DNAH12: variants seen among roughly 807,000 people sequenced by gnomAD.
The protein encoded by DNAH12 is dynein axonemal heavy chain 12.
A neutral mutation model predicts 371.5 loss-of-function variants in DNAH12; 285 were observed. That is an observed-to-expected ratio of 0.77 (90% CI 0.70 to 0.85). The LOEUF (loss-of-function observed/expected upper bound fraction) is 0.85. DNAH12 is among the 40% of genes least tolerant of loss of function. The pLI is 0.00. For missense variants in DNAH12, 3,611 were observed against 3,689.4 expected, an observed-to-expected ratio of 0.98 and a Z score of 0.55; for synonymous variants, 1,200 against 1,213.0, an observed-to-expected ratio of 0.99 and a Z score of 0.22.
chr3:57,419,352 A>G lies in DNAH12; in HGVS notation c.5714+15T>C. The G allele has an allele frequency of 6.7e-7, 1 of 1,482,380 alleles. No homozygotes were observed. The highest frequency in any genetic ancestry group is 1.4e-5 in the South Asian group (1 of 69,894). 91.8% of individuals were successfully genotyped at this position (1,482,380 alleles called of 1,614,324 possible). A position where few individuals can be genotyped will look rare whatever the true frequency, so the allele number is the denominator to read the frequency against. ...TTTTACATTCAAAATGCTTGTTTAT[A>G]GCAGAGTTCCTTACTTTGCATAGGT... is the stretch of plus-strand genomic sequence containing the variant. On this transcript the variant is annotated intron_variant, in intron 37 of 73. Transcript: ENST00000495027.
rs1371440655 is a variant in DNAH12, at chr3:57,346,918, A to G, written c.9674+5167T>C. On this transcript the variant is annotated intron_variant, in intron 60 of 73. Coordinates refer to ENST00000495027, the MANE Select transcript of DNAH12 (RefSeq NM_001366028.2). ...GAATCTCCCAAAACTCTCACAAGGG[A>G]AAACAGATAATATGAATAGACCTGT... is the stretch of plus-strand genomic sequence containing the variant. Among the ~76,000 whole-genome samples, 4 of 152,282 alleles carry G rather than the reference A, an allele frequency of 2.6e-5. No homozygotes were observed. In the East Asian group the frequency reaches 5.8e-4, roughly 22 times the overall value.
intron 55 of DNAH12, among the ~76,000 whole-genome samples, chr3:57,369,727 C>T (rs1457933029): frequency 2.6e-5 from 4 of 152,036 alleles, no homozygotes; most frequent in East Asian, 1.9e-4. Flanking sequence ...ACCTTTCAAG[C>T]CCCTGTTTAA....
At chr3:57,525,829 C>A (rs1272582516) in intron 2 of DNAH12, among the ~76,000 whole-genome samples, 1 of 115,992 alleles carries the variant, frequency 8.6e-6, no homozygotes, top group Non-Finnish European at 1.6e-5. Flanking sequence ...GTGGCATGAT[C>A]TCGACTCACC....
At chr3:57,343,775 T>C (rs782228982) in intron 60 of DNAH12, among the ~76,000 whole-genome samples, 2 of 152,136 alleles carry the variant, frequency 1.3e-5, no homozygotes, top group African/African-American at 4.8e-5. Flanking sequence ...AGTTCTAAGA[T>C]AGGAGAAAAA....
chr3:57,404,153 G>A (rs2063953878), intron 42 of DNAH12, among the ~76,000 whole-genome samples: 2 of 152,200 alleles, frequency 1.3e-5, no homozygotes, highest in Admixed American at 6.5e-5. Flanking sequence ...AGACACGGAT[G>A]TGAATTTTCA....
At chr3:57,362,890 AT>A (rs1244324890) in intron 58 of DNAH12, among the ~76,000 whole-genome samples, 1 of 152,100 alleles carries the variant, frequency 6.6e-6, no homozygotes, top group Non-Finnish European at 1.5e-5. Flanking sequence ...CCATTTGTCT[AT>A]TTTGGCTTTT....
At chr3:57,465,113 C>T (rs1424632636) in intron 17 of DNAH12, among the ~76,000 whole-genome samples, 1 of 152,096 alleles carries the variant, frequency 6.6e-6, no homozygotes, top group Non-Finnish European at 1.5e-5. Flanking sequence ...CGAGATTGGC[C>T]CACATTAGCT....
chr3:57,303,243 T>G lies in DNAH12; in HGVS notation c.11190-1304A>C, dbSNP rs376726049. 3.4e-5 allele frequency among the ~76,000 whole-genome samples: 5 copies of G among 146,510 alleles called. No individual in the cohort carries two copies. In the South Asian group the frequency reaches 6.4e-4, roughly 19 times the overall value. On this transcript the variant is annotated intron_variant, in intron 69 of 73. Coordinates refer to ENST00000495027, the MANE Select transcript of DNAH12 (RefSeq NM_001366028.2). ...AGTCCCAGCTACTCAGGAGGCTGAGTCAGGAGAATGGCGTGAACCCAGGAG... is the reference window on the plus strand; with the variant it reads ...AGTCCCAGCTACTCAGGAGGCTGAGGCAGGAGAATGGCGTGAACCCAGGAG...
intron 70 of DNAH12, among the ~76,000 whole-genome samples, chr3:57,299,442 T>C (rs1487533936): frequency 6.6e-6 from 1 of 151,938 alleles, no homozygotes; most frequent in African/African-American, 2.4e-5. Context: ...GTCACAAAGA[T>C]AGTTAAGTGT....
chr3:57,413,252 A>G (rs2064261619), intron 39 of DNAH12, among the ~76,000 whole-genome samples: 1 of 152,220 alleles, frequency 6.6e-6, no homozygotes, highest in South Asian at 2.1e-4. Context: ...TATAGAGAGA[A>G]AAAGAAATTA....
rs1043401294 is a variant in DNAH12 at position 57,302,323 on chromosome 3, T to C, written c.11190-384A>G. On this transcript the variant is annotated intron_variant, in intron 69 of 73. Transcript: ENST00000495027. Reference sequence around the variant, plus strand: ...GTCGTGCAATGGCTGAAACAAACACTGCATGAAAACATAAATTGTATATTC... The same window carrying C: ...GTCGTGCAATGGCTGAAACAAACACCGCATGAAAACATAAATTGTATATTC... 2.6e-5 allele frequency among the ~76,000 whole-genome samples: 4 copies of C among 151,776 alleles called. No homozygotes were observed. The East Asian group carries it at 7.7e-4, about 29-fold the overall frequency.
chr3:57,519,917 GCTAGAACAT>G (rs1298171401), intron 4 of DNAH12: 1 of 933,444 alleles, frequency 1.1e-6, no homozygotes, highest in African/African-American at 1.6e-5. Flanking sequence ...CACTTCTTGA[GCTAGAACAT>G]CTTGTCGCCT....
At position 57,509,206 on chromosome 3, in the gene DNAH12, C is replaced by T. The variant is rs1024652445; in HGVS notation, c.476G>A (p.Ser159Asn). Residue 159 changes from serine (S) to asparagine (N), a missense_variant, in exon 6 of 74, where the codon AGC becomes AAC. This residue lies in a region of DNAH12 where 1,314 missense variants were observed against 1,398.7 expected (regional missense o/e 0.94). Transcript: ENST00000495027. ...ENSMKRYLVQ[S>N]VLVKPPVKSL... ...TTTAACTGGTGGTTTCACAAGAACGCTCTGCACTAAAATACATGGATATAT... is the reference window on the plus strand; with the variant it reads ...TTTAACTGGTGGTTTCACAAGAACGTTCTGCACTAAAATACATGGATATAT... The T allele has an allele frequency of 3.7e-6, 6 of 1,613,350 alleles. No homozygotes were observed. The African/African-American group carries it at 5.3e-5, about 14-fold the overall frequency.
chr3:57,482,986 G>A (rs77902007), intron 13 of DNAH12, among the ~76,000 whole-genome samples: 4 of 151,444 alleles, frequency 2.6e-5, no homozygotes, highest in Non-Finnish European at 5.9e-5. Context: ...ACGAGTTAAT[G>A]GGTGCAGCAC....
In DNAH12 at chr3:57,444,805, T is replaced by G; in HGVS notation, c.4437A>C (p.Ser1479=). The change falls in exon 29 of 74, where the codon TCA becomes TCC. Residue 1479 remains serine, a synonymous_variant. Coordinates refer to ENST00000495027, the MANE Select transcript of DNAH12 (RefSeq NM_001366028.2). ...NENEDILLLR[S]IKDVNEPKFL... is the part of the protein sequence containing the mutation. ...ACTTTGGTTCATTTACATCTTTAAT[T>G]GATCGAAGAAGCTAAAATTACCCAA... 1 of 1,542,602 alleles carries G rather than the reference T, an allele frequency of 6.5e-7. No individual in the cohort carries two copies. The highest frequency in any genetic ancestry group is 1.4e-5 in the African/African-American group (1 of 72,702).
At chr3:57,357,999 A>G (rs2062839362) in intron 58 of DNAH12, among the ~76,000 whole-genome samples, 1 of 152,212 alleles carries the variant, frequency 6.6e-6, no homozygotes, top group Non-Finnish European at 1.5e-5. Context: ...CTTCAACTCA[A>G]TCGGATAGGT....
At chr3:57,338,081 T>A (rs1046112573) in intron 60 of DNAH12, among the ~76,000 whole-genome samples, 1 of 152,190 alleles carries the variant, frequency 6.6e-6, no homozygotes, top group Admixed American at 6.5e-5. Context: ...GCCGTGATCT[T>A]GGCTCGCTGC....
chr3:57,340,587 C>G (rs2062369623), intron 60 of DNAH12, among the ~76,000 whole-genome samples: 1 of 152,050 alleles, frequency 6.6e-6, no homozygotes, highest in Non-Finnish European at 1.5e-5. Flanking sequence ...TACGACCTAT[C>G]AAGATTGAAC....
At chr3:57,510,699 T>G in intron 5 of DNAH12, 91 bp downstream of exon 5, 1 of 1,078,788 alleles carries the variant, frequency 9.3e-7, no homozygotes, top group Non-Finnish European at 1.4e-6. Context: ...ATAGTGTTCA[T>G]TACTCATTTT....
Sources: allele counts gnomAD v4.1 joint callset (sites outside exome capture counted in the v4.1 genomes callset), GRCh38; gene constraint gnomAD v4.1.1; regional missense constraint gnomAD v4.1.1; transcripts MANE v1.5; gene names NCBI Gene and HGNC (gene_info 2026-07-23, HGNC 2026-07-21).